Variants in SAMD12 observed in about 807,000 individuals in gnomAD.
SAMD12 encodes the protein sterile alpha motif domain-containing protein 12.
Under a neutral mutation model 15.0 loss-of-function variants are expected in SAMD12, and 9 were observed. The observed-to-expected ratio is 0.60, with a 90% CI of 0.36 to 1.05. SAMD12 has a LOEUF of 1.05. SAMD12 is among the 50% of genes least tolerant of loss of function. SAMD12 has a pLI of 0.01. For missense variants in SAMD12, 230 were observed against 234.2 expected, an observed-to-expected ratio of 0.98 and a Z score of 0.12; for synonymous variants, 86 against 90.1, an observed-to-expected ratio of 0.96 and a Z score of 0.25.
At position 118,216,953 on chromosome 8, in the gene SAMD12, C is replaced by T. The variant is rs1234951128; in HGVS notation, c.434-19221G>A. Among the ~76,000 whole-genome samples, 5 of 152,188 alleles carry T rather than the reference C, an allele frequency of 3.3e-5. 1 individual carries two copies. The highest frequency in any genetic ancestry group is 2.6e-4 in the Admixed American group (4 of 15,274). On this transcript the variant is annotated intron_variant, in intron 4 of 4. Transcript: ENST00000409003. ...CATTCCCTATATCCACCCTCTATAT[C>T]AGTTTTTCCTCTCCGCATTCATCGT...
At chr8:118,427,432 T>A (rs764919949) in intron 3 of SAMD12, among the ~76,000 whole-genome samples, 26 of 152,222 alleles carry the variant, frequency 1.7e-4, no homozygotes, top group Admixed American at 2.0e-4. Context: ...TTTGACCTCC[T>A]TCATTCCCCT....
At chr8:118,153,410 A>G in the SAMD12 span, among the ~76,000 whole-genome samples, 2 of 152,188 alleles carry the variant, frequency 1.3e-5, no homozygotes, top group Non-Finnish European at 2.9e-5. Flanking sequence ...AGGGAAAGGA[A>G]AGTACACTCT....
chr8:118,181,054 T>A, the SAMD12 span, among the ~76,000 whole-genome samples: 2 of 148,616 alleles, frequency 1.3e-5, no homozygotes, highest in African/African-American at 5.0e-5. Context: ...TGTATTAAAT[T>A]TTTTTTTTTG....
intron 2 of SAMD12, among the ~76,000 whole-genome samples, chr8:118,471,878 C>T (rs1190540429): frequency 6.6e-6 from 1 of 152,030 alleles, no homozygotes; most frequent in Non-Finnish European, 1.5e-5. Context: ...AATCTACTGC[C>T]TAAAGGCAGT....
intron 4 of SAMD12, among the ~76,000 whole-genome samples, chr8:118,238,655 T>C (rs1040627357): frequency 6.6e-5 from 10 of 152,172 alleles, no homozygotes; most frequent in African/African-American, 2.2e-4. Flanking sequence ...TTTTTGAACA[T>C]CTACCATGGA....
intron 1 of SAMD12, among the ~76,000 whole-genome samples, chr8:118,590,919 A>G (rs1381262032): frequency 1.3e-5 from 2 of 152,182 alleles, no homozygotes; most frequent in Non-Finnish European, 2.9e-5. Context: ...TCCAAGAACT[A>G]AAGTCTCTGC....
At chr8:118,211,679 T>G (rs866571393) in intron 4 of SAMD12, among the ~76,000 whole-genome samples, 1 of 151,886 alleles carries the variant, frequency 6.6e-6, no homozygotes, top group African/African-American at 2.4e-5. Flanking sequence ...ACTCTACAAG[T>G]AAGCTTTTTT....
chr8:118,158,990 C>T, the SAMD12 span, among the ~76,000 whole-genome samples: 9 of 152,142 alleles, frequency 5.9e-5, no homozygotes, highest in East Asian at 1.9e-4. Context: ...TTCCTGAATG[C>T]GGGACAAGAA....
intron 2 of SAMD12, among the ~76,000 whole-genome samples, 174 bp from the exon 3 acceptor site, chr8:118,440,135 A>G (rs1314497692): frequency 6.6e-6 from 1 of 152,174 alleles, no homozygotes. Flanking sequence ...GAAAAGCACA[A>G]AGAAAGGTCC....
intron 2 of SAMD12, among the ~76,000 whole-genome samples, chr8:118,553,120 A>G (rs1826400404): frequency 6.6e-6 from 1 of 151,570 alleles, no homozygotes; most frequent in Non-Finnish European, 1.5e-5. Context: ...GGTAATTTAC[A>G]GATTCAATGC....
At chr8:118,286,357 T>C (rs1814018082) in intron 4 of SAMD12, among the ~76,000 whole-genome samples, 1 of 152,176 alleles carries the variant, frequency 6.6e-6, no homozygotes, top group African/African-American at 2.4e-5. Flanking sequence ...CACTTCTCTC[T>C]GAGATGCAGT....
intron 1 of SAMD12, among the ~76,000 whole-genome samples, chr8:118,608,054 T>C (rs2131310427): frequency 6.6e-6 from 1 of 152,320 alleles, no homozygotes; most frequent in African/African-American, 2.4e-5. Flanking sequence ...ACAACCCCTT[T>C]GACCTTGATC....
rs192905015 is a variant in SAMD12, at chr8:118,385,816, A to C, written c.323-6116T>G. 1.3e-3 allele frequency among the ~76,000 whole-genome samples: 197 copies of C among 152,324 alleles called. 1 individual carries two copies. Among genetic ancestry groups the C allele is most frequent in the African/African-American group, 3.6e-3 (151 of 41,570 alleles). On this transcript the variant is annotated intron_variant, in intron 3 of 3. Transcript: ENST00000314727. ...AAATTGATGCTCTCAAGACTACTAA[A>C]TTACTTATATCAGAAAAGATGTAAA...
At chr8:118,517,426 T>G (rs920635784) in intron 2 of SAMD12, among the ~76,000 whole-genome samples, 3 of 152,106 alleles carry the variant, frequency 2.0e-5, no homozygotes, top group African/African-American at 7.2e-5. Flanking sequence ...TGGAGATTGG[T>G]TTAAAGGTTA....
chr8:118,542,265 T>G (rs1222396102), intron 2 of SAMD12, among the ~76,000 whole-genome samples: 1 of 152,100 alleles, frequency 6.6e-6, no homozygotes, highest in African/African-American at 2.4e-5. Flanking sequence ...TTCTTTGAGA[T>G]CTGTGAAGAT....
intron 2 of SAMD12, among the ~76,000 whole-genome samples, chr8:118,475,893 C>T (rs1823946223): frequency 6.6e-6 from 1 of 152,168 alleles, no homozygotes; most frequent in Non-Finnish European, 1.5e-5. Flanking sequence ...CAAGGCACTG[C>T]TAGGATCTCA....
chr8:118,429,670 G>C (rs1337648253), intron 3 of SAMD12, among the ~76,000 whole-genome samples: 1 of 152,146 alleles, frequency 6.6e-6, no homozygotes, highest in Admixed American at 6.5e-5. Flanking sequence ...GAGGTGGGTG[G>C]ATCACTTGAG....
rs575786417 is a variant in SAMD12, at chr8:118,248,563, G to A, written c.434-50831C>T. On this transcript the variant is annotated intron_variant, in intron 4 of 4. Coordinates refer to the SAMD12 transcript ENST00000409003. ...TTATGGCAATCATGAGTATATATTC[G>A]CTCATTAGGCATTAGCTCACTGTCT... is the stretch of plus-strand genomic sequence containing the variant. Among the ~76,000 whole-genome samples, 19 of 151,990 alleles carry A rather than the reference G, an allele frequency of 1.3e-4. No individual in the cohort carries two copies. In the South Asian group the frequency reaches 2.3e-3, roughly 18 times the overall value.
At chr8:118,611,426 A>C (rs1371355388) in intron 1 of SAMD12, among the ~76,000 whole-genome samples, 6 of 152,212 alleles carry the variant, frequency 3.9e-5, no homozygotes, top group African/African-American at 1.2e-4. Flanking sequence ...TGGAAAGAGA[A>C]CAAAAGGGTA....
Sources: allele counts gnomAD v4.1 joint callset (sites outside exome capture counted in the v4.1 genomes callset), GRCh38; gene constraint gnomAD v4.1.1; transcripts MANE v1.5; gene names NCBI Gene and HGNC (gene_info 2026-07-23, HGNC 2026-07-21).